FAM124B: variants seen among roughly 807,000 people sequenced by gnomAD.
The protein encoded by FAM124B is family with sequence similarity 124 member B.
Under a neutral mutation model 19.7 loss-of-function variants are expected in FAM124B, and 18 were observed. The ratio of observed to expected loss-of-function variants is 0.92; its 90% CI spans 0.63 to 1.36. The LOEUF (loss-of-function observed/expected upper bound fraction) is 1.36, where lower values mean the gene tolerates loss of function less well. Ranked by LOEUF, FAM124B falls within the 40% of genes most tolerant of loss-of-function variation. The pLI is 0.00. For synonymous variants in FAM124B, 223 were observed against 225.2 expected, an observed-to-expected ratio of 0.99 and a Z score of 0.09; for missense variants, 540 against 553.3, an observed-to-expected ratio of 0.98 and a Z score of 0.24.
intron 1 of FAM124B, among the ~76,000 whole-genome samples, chr2:224,390,323 A>C (rs1188005437): frequency 6.6e-6 from 1 of 151,934 alleles, no homozygotes; most frequent in African/African-American, 2.4e-5. Flanking sequence ...GGATTAATCA[A>C]CTCCTAGGGG....
intron 1 of FAM124B, among the ~76,000 whole-genome samples, chr2:224,397,273 C>G (rs542207615): frequency 2.9e-4 from 44 of 152,176 alleles, no homozygotes; most frequent in Admixed American, 2.9e-3. Flanking sequence ...CACAAGCCCT[C>G]TCTTTGCCAC....
Position 224,380,080 on chromosome 2 carries a change from GC to G in FAM124B, c.860del (p.Gly287AlafsTer59). 5 of 1,551,702 alleles carry G rather than the reference GC, an allele frequency of 3.2e-6. No individual in the cohort carries two copies. The highest frequency in any genetic ancestry group is 4.4e-6 in the Non-Finnish European group (5 of 1,147,006). Reference sequence around the variant, plus strand: ...CCAGAGAATGCCCCTGGGACCTCTTGCCCTGGTTCCTCTGGCTCCTGGGTTC... The same window carrying G: ...CCAGAGAATGCCCCTGGGACCTCTTGCCTGGTTCCTCTGGCTCCTGGGTTC... ...TSEPRSQRNQ[G>X]KRSQGHSLEL... On this transcript the variant is annotated frameshift_variant, in exon 2 of 2. Coordinates refer to ENST00000409685, the MANE Select transcript of FAM124B (RefSeq NM_001122779.2). LOFTEE classifies it low-confidence loss of function (END_TRUNC).
intron 1 of FAM124B, among the ~76,000 whole-genome samples, chr2:224,390,391 G>A (rs377574539): frequency 6.6e-6 from 1 of 151,942 alleles, no homozygotes; most frequent in Non-Finnish European, 1.5e-5. Flanking sequence ...GGCTAAAGGC[G>A]GCAAAAACAG....
At chr2:224,383,655 A>G (rs1360980604) in intron 1 of FAM124B, among the ~76,000 whole-genome samples, 1 of 152,180 alleles carries the variant, frequency 6.6e-6, no homozygotes, top group African/African-American at 2.4e-5. Flanking sequence ...TCACTTTCCA[A>G]TGAAGACTAT....
rs115212996 is a variant in FAM124B, at chr2:224,379,497, C to T, written c.*76G>A. ...CCCCCTCAGATGAACAACTAACAGG[C>T]TGATTCTGGGTCAGTACTCCATTTC... On this transcript the variant is annotated 3_prime_UTR_variant, in exon 2 of 2. Coordinates refer to ENST00000409685, the MANE Select transcript of FAM124B (RefSeq NM_001122779.2). 7.7e-5 allele frequency: 112 copies of T among 1,456,092 alleles called. No individual in the cohort carries two copies. In the African/African-American group the frequency reaches 1.5e-3, roughly 20 times the overall value. The allele number at this position is 1,456,092 out of a possible 1,614,324, so 90.2% of individuals were successfully genotyped here.
rs558023031 is a variant in FAM124B, at chr2:224,394,369, T to G, written c.732+6668A>C. On this transcript the variant is annotated intron_variant, in intron 1 of 1. Coordinates refer to ENST00000409685, the MANE Select transcript of FAM124B (RefSeq NM_001122779.2). ...AGACCTGCAAGCACTTCAAGCCCAA[T>G]GTGTCCAGACTCATCATCACCTTCC... Among the ~76,000 whole-genome samples the G allele has an allele frequency of 5.3e-5, 8 of 152,262 alleles. No individual in the cohort carries two copies. The East Asian group carries it at 1.4e-3, about 26-fold the overall frequency.
At chr2:224,389,214 G>A (rs1273915705) in intron 1 of FAM124B, among the ~76,000 whole-genome samples, 1 of 152,208 alleles carries the variant, frequency 6.6e-6, no homozygotes, top group African/African-American at 2.4e-5. Context: ...TTACAGGCAT[G>A]AGCCACCACA....
At chr2:224,385,923 T>G (rs1689794829) in intron 1 of FAM124B, among the ~76,000 whole-genome samples, 1 of 152,166 alleles carries the variant, frequency 6.6e-6, no homozygotes, top group African/African-American at 2.4e-5. Flanking sequence ...ATTACAGCAA[T>G]AGCCATCCAA....
chr2:224,389,819 C>T (rs138522190), intron 1 of FAM124B, among the ~76,000 whole-genome samples: 4 of 152,124 alleles, frequency 2.6e-5, no homozygotes, highest in African/African-American at 4.8e-5. Context: ...ATTTTTATTT[C>T]GTAACCTCAG....
intron 1 of FAM124B, among the ~76,000 whole-genome samples, chr2:224,391,359 A>AG (rs1689885411): frequency 6.6e-6 from 1 of 150,924 alleles, no homozygotes; most frequent in Admixed American, 6.6e-5. Context: ...AAAAAAAAAA[A>AG]GAAAGAAACG....
chr2:224,401,354 T>C lies in FAM124B; in HGVS notation c.415A>G (p.Arg139Gly), dbSNP rs1461180497. The change falls in exon 1 of 2, where the codon AGG becomes GGG. Residue 139 changes from arginine (R) to glycine (G), a missense_variant. Transcript: ENST00000409685. ...RQVHCGSEILRVTLYCSFDNY... is the reference protein window; with the variant it reads ...RQVHCGSEILGVTLYCSFDNY... ...TCAAAACTGCAGTACAGCGTCACCC[T>C]CAGGATCTCGGAGCCACAGTGCACC... is the stretch of plus-strand genomic sequence containing the variant. 1 of 1,613,904 alleles carries C rather than the reference T, an allele frequency of 6.2e-7. No homozygotes were observed. Among genetic ancestry groups the C allele is most frequent in the Non-Finnish European group, 8.5e-7 (1 of 1,179,994 alleles).
chr2:224,393,465 T>C (rs887279180), intron 1 of FAM124B, among the ~76,000 whole-genome samples: 1 of 152,222 alleles, frequency 6.6e-6, no homozygotes, highest in African/African-American at 2.4e-5. Flanking sequence ...AGGTTTTATC[T>C]TGTAATTTAT....
At position 224,401,162 on chromosome 2, in the gene FAM124B, A is replaced by G; in HGVS notation, c.607T>C (p.Ser203Pro). 6.2e-7 allele frequency: 1 copy of G among 1,614,220 alleles called. No homozygotes were observed. Among genetic ancestry groups the G allele is most frequent in the Non-Finnish European group, 8.5e-7 (1 of 1,180,038 alleles). ...TCTTGAACCTTAAACTGCAGCACCG[A>G]AGACTCTTTGGGGTCCACTGACATT... ...PGMSVDPKES[S>P]VLQFKVQEIG... is the part of the protein sequence containing the mutation. Residue 203 changes from serine (S) to proline (P), a missense_variant, in exon 1 of 2, where the codon TCG becomes CCG. By Grantham distance (74) the Ser-to-Pro change is moderately conservative. Transcript: ENST00000409685.
intron 1 of FAM124B, among the ~76,000 whole-genome samples, chr2:224,395,223 G>A (rs900051612): frequency 1.3e-5 from 2 of 152,036 alleles, no homozygotes; most frequent in Admixed American, 6.6e-5. Context: ...GCATCAGCAG[G>A]TGAATCAGGG....
chr2:224,390,521 G>C (rs1689863352), intron 1 of FAM124B, among the ~76,000 whole-genome samples: 1 of 151,928 alleles, frequency 6.6e-6, no homozygotes, highest in South Asian at 2.1e-4. Flanking sequence ...ACAGAAAAGA[G>C]ACTGAAAATG....
intron 1 of FAM124B, among the ~76,000 whole-genome samples, chr2:224,396,263 A>G (rs920149946): frequency 3.3e-5 from 5 of 152,002 alleles, no homozygotes; most frequent in Admixed American, 1.3e-4. Flanking sequence ...TTTGCTGAGC[A>G]TGGCCTGCTA....
At chr2:224,388,741 C>T (rs1689837275) in intron 1 of FAM124B, among the ~76,000 whole-genome samples, 1 of 152,110 alleles carries the variant, frequency 6.6e-6, no homozygotes, top group African/African-American at 2.4e-5. Context: ...TATTTTACCA[C>T]AATTTTTTTA....
At chr2:224,381,412 C>T in intron 1 of FAM124B, among the ~76,000 whole-genome samples, 1 of 152,056 alleles carries the variant, frequency 6.6e-6, no homozygotes, top group East Asian at 1.9e-4. Context: ...GTTATGACTG[C>T]ACCACTGCAC....
intron 1 of FAM124B, among the ~76,000 whole-genome samples, chr2:224,380,874 A>C (rs1407504314): frequency 6.6e-6 from 1 of 151,980 alleles, no homozygotes; most frequent in Non-Finnish European, 1.5e-5. Flanking sequence ...TAGCAATTCC[A>C]CTCTGGTTAC....
Sources: gnomAD v4.1 joint callset for allele counts (sites outside exome capture counted in the v4.1 genomes callset) on GRCh38, gnomAD v4.1.1 for gene constraint, MANE v1.5 for transcripts, NCBI Gene and HGNC (gene_info 2026-07-23, HGNC 2026-07-21) for gene names.